The following TMEM131 variants were observed in gnomAD, a reference collection of about 807,000 sequenced individuals.
TMEM131 encodes the protein 2610524E03Rik.
Under a neutral mutation model 211.6 loss-of-function variants are expected in TMEM131, and 66 were observed. That is an observed-to-expected ratio of 0.31 (90% CI 0.26 to 0.38). The LOEUF is 0.38. TMEM131 is among the 10% of genes least tolerant of loss of function. TMEM131 has a pLI of 1.00. For synonymous variants in TMEM131, 844 were observed against 841.3 expected, an observed-to-expected ratio of 1.00 and a Z score of -0.06; for missense variants, 2,036 against 2,299.3, an observed-to-expected ratio of 0.89 and a Z score of 2.34.
Position 97,772,439 on chromosome 2 carries a change from C to T in TMEM131, c.4321-15G>A. On this transcript the variant is annotated splice_polypyrimidine_tract_variant and intron_variant, in intron 32 of 40. Coordinates refer to ENST00000186436, the MANE Select transcript of TMEM131 (RefSeq NM_015348.2). ...TTTTCTGTATCCTGTAAAAAATGGA[C>T]ACTTAATTGCTGAGAAGGATTAATA... The T allele has an allele frequency of 6.2e-7, 1 of 1,605,834 alleles. No individual in the cohort carries two copies. The highest frequency in any genetic ancestry group is 8.5e-7 in the Non-Finnish European group (1 of 1,177,756).
At chr2:97,757,766 G>A (rs1330753047) in intron 40 of TMEM131, among the ~76,000 whole-genome samples, 1 of 152,224 alleles carries the variant, frequency 6.6e-6, no homozygotes, top group Non-Finnish European at 1.5e-5. Context: ...TGTAAAGAGA[G>A]TTGTATTGGA....
At chr2:97,958,153 C>G (rs919426449) in intron 1 of TMEM131, among the ~76,000 whole-genome samples, 1 of 152,184 alleles carries the variant, frequency 6.6e-6, no homozygotes, top group Non-Finnish European at 1.5e-5. Flanking sequence ...GGTCTGAAAT[C>G]TGGGGAGCAT....
chr2:97,857,830 T>G (rs1005246492), intron 5 of TMEM131, among the ~76,000 whole-genome samples: 1 of 152,212 alleles, frequency 6.6e-6, no homozygotes, highest in Admixed American at 6.5e-5. Context: ...TACACAGGTC[T>G]CTCACAGCAT....
chr2:97,900,095 G>A (rs1675786475), intron 3 of TMEM131, among the ~76,000 whole-genome samples: 1 of 152,086 alleles, frequency 6.6e-6, no homozygotes, highest in African/African-American at 2.4e-5. Flanking sequence ...GTTGGGCAAA[G>A]TCATCTGGTA....
At chr2:97,915,493 A>T (rs1676473542) in intron 2 of TMEM131, among the ~76,000 whole-genome samples, 1 of 151,746 alleles carries the variant, frequency 6.6e-6, no homozygotes. Context: ...ACAATTTTTT[A>T]TTTATTTTAT....
intron 2 of TMEM131, among the ~76,000 whole-genome samples, chr2:97,917,460 C>T (rs1157213304): frequency 6.6e-6 from 1 of 152,198 alleles, no homozygotes; most frequent in African/African-American, 2.4e-5. Context: ...TACAGTCCCA[C>T]TAGTGAACTG....
intron 1 of TMEM131, among the ~76,000 whole-genome samples, chr2:97,943,594 C>G (rs1677900803): frequency 2.0e-5 from 3 of 152,148 alleles, no homozygotes; most frequent in African/African-American, 7.2e-5. Context: ...ATATTCAGAT[C>G]CAACGCAATC....
chr2:97,792,432 T>A lies in TMEM131; in HGVS notation c.4098A>T (p.Leu1366=), dbSNP rs532863074. 3 of 1,611,148 alleles carry A rather than the reference T, an allele frequency of 1.9e-6. No individual in the cohort carries two copies. Among genetic ancestry groups the A allele is most frequent in the Non-Finnish European group, 2.5e-6 (3 of 1,178,648 alleles). The change falls in exon 31 of 41, where the codon CTA becomes CTT. Residue 1366 remains leucine (L), a synonymous_variant. Transcript: ENST00000186436. ...ATGGAGGCTGCTCTGTAAACACTTC[T>A]AGGGCTGGGGAGTCATGGTGGTCGA... ...KDFDHHDSPA[L]EVFTEQPPSP...
chr2:97,807,260 C>A (rs1003454633), intron 19 of TMEM131, among the ~76,000 whole-genome samples: 25 of 152,158 alleles, frequency 1.6e-4, no homozygotes, highest in Admixed American at 1.6e-3. Context: ...TCAAAACCAA[C>A]CCCTCTAAAT....
chr2:97,985,109 T>C (rs1177340375), intron 1 of TMEM131, among the ~76,000 whole-genome samples: 1 of 152,116 alleles, frequency 6.6e-6, no homozygotes, highest in Non-Finnish European at 1.5e-5. Context: ...TTTCCTATTA[T>C]TAAGAACATC....
chr2:97,769,199 C>T (rs1370720544), intron 33 of TMEM131, among the ~76,000 whole-genome samples: 1 of 151,710 alleles, frequency 6.6e-6, no homozygotes, highest in Non-Finnish European at 1.5e-5. Context: ...ATTTTCCAGG[C>T]TGATCTTGAA....
At chr2:97,988,947 T>C (rs1295669661) in intron 1 of TMEM131, among the ~76,000 whole-genome samples, 1 of 152,152 alleles carries the variant, frequency 6.6e-6, no homozygotes, top group Non-Finnish European at 1.5e-5. Flanking sequence ...CTTGAAGAGA[T>C]ATTTGCATAC....
At chr2:97,771,002 C>G (rs1679439182) in intron 33 of TMEM131, among the ~76,000 whole-genome samples, 1 of 152,110 alleles carries the variant, frequency 6.6e-6, no homozygotes, top group Admixed American at 6.5e-5. Context: ...GTCCTGGGTG[C>G]CAGGATATTG....
intron 3 of TMEM131, among the ~76,000 whole-genome samples, chr2:97,903,062 C>T (rs1354311834): frequency 1.3e-5 from 2 of 152,140 alleles, no homozygotes; most frequent in African/African-American, 2.4e-5. Context: ...AATCCTAATA[C>T]ATTACAGTAG....
At chr2:97,922,966 CTAAT>C (rs1394406689) in intron 2 of TMEM131, among the ~76,000 whole-genome samples, 2 of 152,204 alleles carry the variant, frequency 1.3e-5, no homozygotes, top group Non-Finnish European at 2.9e-5. Context: ...TATAGGTTCT[CTAAT>C]TAAGTGGTTA....
chr2:97,984,705 T>A lies in TMEM131; in HGVS notation c.187+10771A>T, dbSNP rs560956546. ...ATTCATGAGGGATTATTAATATATA[T>A]TATATATAATGATATATTACTATAA... On this transcript the variant is annotated intron_variant, in intron 1 of 40. Transcript: ENST00000186436. Among the ~76,000 whole-genome samples, 11 of 150,156 alleles carry A rather than the reference T, an allele frequency of 7.3e-5. No homozygotes were observed. In the East Asian group the frequency reaches 2.1e-3, roughly 29 times the overall value.
intron 3 of TMEM131, among the ~76,000 whole-genome samples, chr2:97,895,434 G>T (rs573439665): frequency 1.3e-5 from 2 of 152,310 alleles, no homozygotes; most frequent in Admixed American, 1.3e-4. Flanking sequence ...AATAGTTTCA[G>T]AAGGAATGGT....
At chr2:97,962,293 G>A (rs1678853410) in intron 1 of TMEM131, among the ~76,000 whole-genome samples, 1 of 152,194 alleles carries the variant, frequency 6.6e-6, no homozygotes, top group Non-Finnish European at 1.5e-5. Context: ...CACAAGGTCA[G>A]GAGATTGAGA....
intron 3 of TMEM131, among the ~76,000 whole-genome samples, chr2:97,896,830 G>A (rs1242182464): frequency 6.6e-6 from 1 of 151,554 alleles, no homozygotes; most frequent in African/African-American, 2.4e-5. Flanking sequence ...GATGCTTAAC[G>A]TTTTCCATCT....
Sources: allele counts gnomAD v4.1 joint callset (sites outside exome capture counted in the v4.1 genomes callset), GRCh38; gene constraint gnomAD v4.1.1; transcripts MANE v1.5; gene names NCBI Gene and HGNC (gene_info 2026-07-23, HGNC 2026-07-21).